TVP23A: variants seen among roughly 807,000 people sequenced by gnomAD.
The protein encoded by TVP23A is Golgi apparatus membrane protein TVP23 homolog A.
Under a neutral mutation model 31.7 loss-of-function variants are expected in TVP23A, and 21 were observed. The ratio of observed to expected loss-of-function variants is 0.66; its 90% confidence interval spans 0.47 to 0.95. TVP23A has a LOEUF of 0.95. Ranked by LOEUF, TVP23A falls within the 40% of genes least tolerant of loss-of-function variation. The probability of loss-of-function intolerance (pLI) is 0.00; values close to 1 mark genes in which losing one functional copy is unlikely to be tolerated. For missense variants in TVP23A, 279 were observed against 255.6 expected, an observed-to-expected ratio of 1.09 and a Z score of -0.62; for synonymous variants, 104 against 96.0, an observed-to-expected ratio of 1.08 and a Z score of -0.49.
At chr16:10,796,424 AT>A (rs1419443689) in intron 2 of TVP23A, among the ~76,000 whole-genome samples, 3 of 150,338 alleles carry the variant, frequency 2.0e-5, no homozygotes, top group Non-Finnish European at 2.9e-5. Context: ...AAGGGATTTT[AT>A]TTTATTTTAT....
intron 3 of TVP23A, among the ~76,000 whole-genome samples, chr16:10,774,735 C>T (rs1268129805): frequency 6.6e-6 from 1 of 152,010 alleles, no homozygotes; most frequent in Non-Finnish European, 1.5e-5. Flanking sequence ...CTCAGCCTCC[C>T]AAGTAGCTGG....
intron 3 of TVP23A, 140 bp from the exon 4 acceptor site, chr16:10,774,268 T>G: frequency 1.8e-6 from 1 of 564,270 alleles, no homozygotes; most frequent in Non-Finnish European, 3.1e-6. Flanking sequence ...TGTAGTGGAT[T>G]CTCAGATGTC....
In TVP23A at chr16:10,802,129, C is replaced by T. The variant is rs542923374; in HGVS notation, c.89+15974G>A. 6.6e-5 allele frequency among the ~76,000 whole-genome samples: 10 copies of T among 151,522 alleles called. No homozygotes were observed. In the South Asian group the frequency reaches 2.1e-3, roughly 32 times the overall value. ...ACACACACACACACACACATACACA[C>T]ACACACAACTAGGAAGACTCAGAAG... is the stretch of plus-strand genomic sequence containing the variant. On this transcript the variant is annotated intron_variant, in intron 2 of 7. Coordinates refer to ENST00000299866, the MANE Select transcript of TVP23A (RefSeq NM_001079512.4).
At chr16:10,775,146 T>G (rs1317145392) in intron 2 of TVP23A, 50 bp from the exon 3 acceptor site, 1 of 1,566,938 alleles carries the variant, frequency 6.4e-7, no homozygotes, top group East Asian at 2.4e-5. Flanking sequence ...AAGCGGATGG[T>G]CACTGAACTC....
At chr16:10,802,063 GTTAC>G (rs1248228858) in intron 2 of TVP23A, among the ~76,000 whole-genome samples, 4 of 151,562 alleles carry the variant, frequency 2.6e-5, no homozygotes, top group South Asian at 2.1e-4. Context: ...GGCATGATGT[GTTAC>G]TTACTCTCTA....
At chr16:10,760,512 G>A (rs768616051), downstream of TVP23A, among the ~76,000 whole-genome samples, 9 of 152,234 alleles carry the variant, frequency 5.9e-5, no homozygotes, top group Non-Finnish European at 1.3e-4. Context: ...CTGGGAGGCC[G>A]AGGCAGGAGG....
At chr16:10,762,216 G>GA (rs1372693956), downstream of TVP23A, 1 of 186,648 alleles carries the variant, frequency 5.4e-6, no homozygotes, top group Non-Finnish European at 1.1e-5. Context: ...GGCCTGAGGT[G>GA]AAAATCCCTT....
intron 2 of TVP23A, among the ~76,000 whole-genome samples, chr16:10,778,928 T>C (rs1005940194): frequency 6.6e-6 from 1 of 152,176 alleles, no homozygotes; most frequent in African/African-American, 2.4e-5. Context: ...ATTGCACCAC[T>C]GCACTACGGA....
intron 2 of TVP23A, among the ~76,000 whole-genome samples, chr16:10,796,378 C>T (rs1363987984): frequency 6.6e-6 from 1 of 151,722 alleles, no homozygotes; most frequent in Non-Finnish European, 1.5e-5. Context: ...AAAGAGAGAG[C>T]GAGAGAGAGG....
intron 2 of TVP23A, among the ~76,000 whole-genome samples, chr16:10,803,417 G>A (rs1240274589): frequency 6.6e-6 from 1 of 152,168 alleles, no homozygotes. Context: ...CAGGTCAGAG[G>A]GCAGTGAACA....
chr16:10,765,292 C>G (rs914614763), downstream of TVP23A: 1 of 145,580 alleles, frequency 6.9e-6, no homozygotes, highest in East Asian at 2.0e-4. The surrounding 1 kb of genome is among the most constrained non-coding windows in gnomAD (Gnocchi z 4.0). Flanking sequence ...CAACCATGCT[C>G]TAGCCTGGGT....
intron 6 of TVP23A, 110 bp from the exon 7 acceptor site, chr16:10,770,441 G>C (rs1378689520): frequency 1.6e-6 from 2 of 1,246,136 alleles, no homozygotes; most frequent in Admixed American, 2.7e-5. Context: ...CTGCGGAATT[G>C]GTTGCTTGAT....
intron 2 of TVP23A, among the ~76,000 whole-genome samples, chr16:10,776,388 A>G (rs1241504864): frequency 6.6e-6 from 1 of 152,176 alleles, no homozygotes; most frequent in Non-Finnish European, 1.5e-5. Flanking sequence ...AAATAAAAAA[A>G]TAAAAAAATA....
chr16:10,790,879 TC>T (rs1213792754), intron 2 of TVP23A, among the ~76,000 whole-genome samples: 2 of 152,140 alleles, frequency 1.3e-5, no homozygotes, highest in African/African-American at 4.8e-5. Context: ...AGTATTAAGG[TC>T]CCTGTGTTAA....
At chr16:10,786,833 G>A (rs1263774374) in intron 2 of TVP23A, among the ~76,000 whole-genome samples, 4 of 151,990 alleles carry the variant, frequency 2.6e-5, no homozygotes, top group South Asian at 2.1e-4. Flanking sequence ...GAAAGAAATC[G>A]GCAGAAGCAG....
intron 8 of TVP23A, chr16:10,761,664 C>T (rs528477000): frequency 3.3e-6 from 3 of 914,790 alleles, no homozygotes; most frequent in Admixed American, 2.8e-5. Context: ...CAAACTAAGC[C>T]TTTTTTTTTT....
At chr16:10,798,571 G>C (rs1324654392) in intron 2 of TVP23A, among the ~76,000 whole-genome samples, 1 of 152,202 alleles carries the variant, frequency 6.6e-6, no homozygotes, top group Non-Finnish European at 1.5e-5. Flanking sequence ...AGGGGTCCTG[G>C]TCATCAGAGT....
At chr16:10,761,605 C>T in intron 8 of TVP23A, 1 of 993,914 alleles carries the variant, frequency 1.0e-6, no homozygotes, top group Non-Finnish European at 1.5e-6. Context: ...ATTAAAATCC[C>T]TTTCTGCTGA....
chr16:10,818,294 T>A lies in TVP23A; in HGVS notation c.10-112A>T. On this transcript the variant is annotated intron_variant, in intron 1 of 7. Coordinates refer to ENST00000299866, the MANE Select transcript of TVP23A (RefSeq NM_001079512.4). This position sits in a 1 kb window ranked among gnomAD's most constrained non-coding sequence, Gnocchi z 4.7. ...ACTTGCACCCCACCGGGTTCCCAAGTGGACCCTCCGAGCTGGCGGGGCCCC... is the reference window on the plus strand; with the variant it reads ...ACTTGCACCCCACCGGGTTCCCAAGAGGACCCTCCGAGCTGGCGGGGCCCC... The A allele has an allele frequency of 3.9e-5, 50 of 1,266,382 alleles. No homozygotes were observed. Among genetic ancestry groups the A allele is most frequent in the Non-Finnish European group, 5.5e-5 (50 of 911,726 alleles). 78.4% of individuals were successfully genotyped at this position (1,266,382 alleles called of 1,614,324 possible).
Sources: allele counts gnomAD v4.1 joint callset (sites outside exome capture counted in the v4.1 genomes callset), GRCh38; gene constraint gnomAD v4.1.1; non-coding constraint Gnocchi (gnomAD v3.1); transcripts MANE v1.5; gene names NCBI Gene and HGNC (gene_info 2026-07-23, HGNC 2026-07-21).